Variants in VSTM4 observed in about 807,000 individuals in gnomAD.
VSTM4 encodes V-set and transmembrane domain-containing protein 4.
VSTM4 carries 20 observed loss-of-function variants against 36.4 expected under a neutral mutation model. That is an observed-to-expected ratio of 0.55 (90% confidence interval 0.39 to 0.80). VSTM4 has a LOEUF of 0.80. Ranked by LOEUF, VSTM4 falls within the 30% of genes least tolerant of loss-of-function variation. The pLI, the probability that VSTM4 is intolerant of heterozygous loss-of-function variation, is 0.00. For synonymous variants in VSTM4, 182 were observed against 173.9 expected (o/e 1.05, Z -0.37); for missense variants, 392 against 404.5 (o/e 0.97, Z 0.26).
intron 7 of VSTM4, among the ~76,000 whole-genome samples, chr10:49,022,560 A>G (rs1024886158): frequency 6.6e-6 from 1 of 152,116 alleles, no homozygotes; most frequent in Non-Finnish European, 1.5e-5. Context: ...TTTCAAAGTT[A>G]AGATCATTTA....
chr10:49,062,877 T>C (rs1843904221), intron 5 of VSTM4, among the ~76,000 whole-genome samples: 1 of 152,204 alleles, frequency 6.6e-6, no homozygotes, highest in Non-Finnish European at 1.5e-5. Flanking sequence ...ACATCTCCAC[T>C]CTCCTATTGA....
intron 5 of VSTM4, among the ~76,000 whole-genome samples, chr10:49,060,442 C>T (rs191821447): frequency 7.9e-5 from 12 of 152,304 alleles, no homozygotes; most frequent in Non-Finnish European, 1.3e-4. Context: ...TTGCACTTCC[C>T]TAGTAGGTAA....
intron 2 of VSTM4, among the ~76,000 whole-genome samples, chr10:49,097,602 C>A (rs1844596366): frequency 6.6e-6 from 1 of 152,176 alleles, no homozygotes; most frequent in African/African-American, 2.4e-5. Flanking sequence ...CAGCACATGG[C>A]CCAGCAGCAC....
chr10:49,105,645 A>G (rs1387954730), intron 2 of VSTM4, among the ~76,000 whole-genome samples: 1 of 152,160 alleles, frequency 6.6e-6, no homozygotes, highest in Admixed American at 6.5e-5. Context: ...ACCCAGCTTC[A>G]CTCACTGAAA....
rs915792057 is a variant in VSTM4 at position 49,017,429 on chromosome 10, A to G, written c.*2221T>C. On this transcript the variant is annotated 3_prime_UTR_variant, in exon 8 of 8. Transcript: ENST00000332853. ...CATTCACACACCTTAGTGTGGATTCATGCAGTGATGACCACAGTTTGGGAG... is the reference window on the plus strand; with the variant it reads ...CATTCACACACCTTAGTGTGGATTCGTGCAGTGATGACCACAGTTTGGGAG... 3.3e-5 allele frequency: 5 copies of G among 152,374 alleles called. No homozygotes were observed. Among genetic ancestry groups the G allele is most frequent in the African/African-American group, 1.2e-4 (5 of 41,580 alleles). The allele number at this position is 152,374 out of a possible 1,614,324, so 9.4% of individuals were successfully genotyped here.
At chr10:49,098,169 C>T (rs1294532813) in intron 2 of VSTM4, among the ~76,000 whole-genome samples, 3 of 152,222 alleles carry the variant, frequency 2.0e-5, no homozygotes, top group Non-Finnish European at 4.4e-5. Flanking sequence ...TTGTGCCACC[C>T]CCTTCAGCCT....
chr10:49,029,919 G>A (rs1044560512), intron 7 of VSTM4, among the ~76,000 whole-genome samples: 4 of 152,216 alleles, frequency 2.6e-5, no homozygotes, highest in Non-Finnish European at 4.4e-5. Flanking sequence ...GGGAGAGGGT[G>A]ATGGAGGGGA....
rs1215649762 is a variant in VSTM4 at position 49,077,710 on chromosome 10, C to T, written c.527-384G>A. ...ATGTAAAATGTAAGCTAGAAGACTT[C>T]AGAAAAAACCCACAAGAAAAATCTT... On this transcript the variant is annotated intron_variant, in intron 3 of 7. Transcript: ENST00000332853. Among the ~76,000 whole-genome samples, 4 of 151,490 alleles carry T rather than the reference C, an allele frequency of 2.6e-5. No individual in the cohort carries two copies. The East Asian group carries it at 7.7e-4, about 29-fold the overall frequency.
intron 4 of VSTM4, among the ~76,000 whole-genome samples, chr10:49,066,744 T>C (rs1213437492): frequency 2.0e-5 from 3 of 152,166 alleles, no homozygotes; most frequent in African/African-American, 7.2e-5. Flanking sequence ...ATTAATCTTA[T>C]GCTAATTTTC....
chr10:49,103,625 C>T (rs563877909), intron 2 of VSTM4: 18 of 1,500,294 alleles, frequency 1.2e-5, no homozygotes, highest in South Asian at 5.7e-5. Flanking sequence ...AATATATCAT[C>T]GCAAGTCACC....
At chr10:49,046,508 CA>C (rs1843613336) in intron 7 of VSTM4, among the ~76,000 whole-genome samples, 1 of 152,238 alleles carries the variant, frequency 6.6e-6, no homozygotes, top group African/African-American at 2.4e-5. Flanking sequence ...CTTAGTTTGA[CA>C]CATGTACCAT....
chr10:49,020,322 T>C (rs1344087301), intron 7 of VSTM4, among the ~76,000 whole-genome samples: 1 of 152,104 alleles, frequency 6.6e-6, no homozygotes, highest in Non-Finnish European at 1.5e-5. Context: ...GAAATACTTA[T>C]GCTAAATAGC....
At chr10:49,092,698 A>C (rs1438040458) in intron 2 of VSTM4, among the ~76,000 whole-genome samples, 1 of 152,164 alleles carries the variant, frequency 6.6e-6, no homozygotes, top group African/African-American at 2.4e-5. Flanking sequence ...TGCATTTCCC[A>C]AGACCACTCT....
chr10:49,077,871 A>T (rs1266228387), intron 3 of VSTM4, among the ~76,000 whole-genome samples: 1 of 152,212 alleles, frequency 6.6e-6, no homozygotes, highest in Non-Finnish European at 1.5e-5. Flanking sequence ...AAAGAGGATA[A>T]AAAGTCAAAC....
chr10:49,035,348 T>G (rs974014655), intron 7 of VSTM4, among the ~76,000 whole-genome samples: 1 of 152,220 alleles, frequency 6.6e-6, no homozygotes, highest in Non-Finnish European at 1.5e-5. Flanking sequence ...GAATCAGTGA[T>G]GCATTAAACA....
chr10:49,096,336 GACAA>G (rs750279763), intron 2 of VSTM4, among the ~76,000 whole-genome samples: 5 of 152,148 alleles, frequency 3.3e-5, no homozygotes, highest in Non-Finnish European at 5.9e-5. Flanking sequence ...CTTTTAGGGT[GACAA>G]ACAGTTTTTT....
intron 5 of VSTM4, among the ~76,000 whole-genome samples, chr10:49,048,898 G>C (rs17011698): frequency 0.05 from 7,662 of 152,290 alleles, 217 homozygotes; most frequent in Middle Eastern, 0.12. Context: ...GCCTAGGGAT[G>C]CATGGGTTGA....
chr10:49,036,777 A>G (rs1476160648), intron 7 of VSTM4, among the ~76,000 whole-genome samples: 4 of 152,248 alleles, frequency 2.6e-5, no homozygotes, highest in African/African-American at 4.8e-5. Flanking sequence ...GATGTGGAAC[A>G]AGGCAGGGCA....
intron 7 of VSTM4, among the ~76,000 whole-genome samples, chr10:49,026,818 G>A (rs11100975): frequency 1.3e-5 from 2 of 152,190 alleles, no homozygotes; most frequent in African/African-American, 4.8e-5. Context: ...GAAGGCCACA[G>A]GTTGCAAAAC....
Sources: allele counts gnomAD v4.1 joint callset (sites outside exome capture counted in the v4.1 genomes callset), GRCh38; gene constraint gnomAD v4.1.1; transcripts MANE v1.5; gene names NCBI Gene and HGNC (gene_info 2026-07-23, HGNC 2026-07-21).